The following C2CD2 variants were observed in gnomAD, a reference collection of about 807,000 sequenced individuals.
C2CD2 encodes the protein C2 domain-containing protein 2.
Under a neutral mutation model 74.3 loss-of-function variants are expected in C2CD2, and 43 were observed. That is an observed-to-expected ratio of 0.58 (90% CI 0.45 to 0.75). The LOEUF (loss-of-function observed/expected upper bound fraction) is 0.75. C2CD2 is among the 30% of genes least tolerant of loss of function. The pLI, the probability that C2CD2 is intolerant of heterozygous loss-of-function variation, is 0.00. For synonymous variants in C2CD2, 422 were observed against 390.7 expected, an observed-to-expected ratio of 1.08 and a Z score of -0.94; for missense variants, 801 against 916.3, an observed-to-expected ratio of 0.87 and a Z score of 1.63.
intron 11 of C2CD2, among the ~76,000 whole-genome samples, chr21:41,905,189 A>C (rs2064945410): frequency 6.6e-6 from 1 of 152,200 alleles, no homozygotes; most frequent in Non-Finnish European, 1.5e-5. Context: ...TATTTTGTTA[A>C]AGCATTCCCT....
chr21:41,917,298 T>C (rs1412066257), intron 5 of C2CD2, among the ~76,000 whole-genome samples: 1 of 152,180 alleles, frequency 6.6e-6, no homozygotes, highest in Non-Finnish European at 1.5e-5. Flanking sequence ...ACACAGGAAT[T>C]TGTATTTTCA....
rs1466753613 is a variant in C2CD2 at position 41,901,846 on chromosome 21, A to T, written c.1433-97T>A. ...TGGAAATGGTCGATAAGCAATGGTTAGCAGATATTTTCTAAAAGGGGCCAA... is the reference window on the plus strand; with the variant it reads ...TGGAAATGGTCGATAAGCAATGGTTTGCAGATATTTTCTAAAAGGGGCCAA... On this transcript the variant is annotated intron_variant, in intron 11 of 13. Transcript: ENST00000380486. 4 of 1,133,918 alleles carry T rather than the reference A, an allele frequency of 3.5e-6. No individual in the cohort carries two copies. The Admixed American group carries it at 7.6e-5, about 22-fold the overall frequency. 70.2% of individuals were successfully genotyped at this position (1,133,918 alleles called of 1,614,324 possible).
At chr21:41,909,241 C>A (rs1440778364) in intron 8 of C2CD2, among the ~76,000 whole-genome samples, 2 of 152,198 alleles carry the variant, frequency 1.3e-5, no homozygotes, top group East Asian at 1.9e-4. Context: ...TTTAAAAAAA[C>A]AAACAAAAAA....
chr21:41,912,640 G>A (rs7279139), intron 6 of C2CD2, among the ~76,000 whole-genome samples, 200 bp from the exon 7 acceptor site: 1,931 of 152,164 alleles, frequency 0.013, 37 homozygotes, highest in African/African-American at 0.044. Flanking sequence ...ACAGGCGCAC[G>A]CCTCCACGCT....
At chr21:41,943,857 C>T (rs117140690) in intron 1 of C2CD2, among the ~76,000 whole-genome samples, 12 of 152,300 alleles carry the variant, frequency 7.9e-5, no homozygotes, top group Non-Finnish European at 1.5e-4. Context: ...ATGTACTGCT[C>T]GAGAGGGCTG....
intron 12 of C2CD2, among the ~76,000 whole-genome samples, chr21:41,900,435 T>C (rs945112518): frequency 2.0e-5 from 3 of 152,198 alleles, no homozygotes; most frequent in African/African-American, 7.2e-5. Flanking sequence ...ACGAGTCTTG[T>C]CCTTATTTTG....
chr21:41,925,955 C>T (rs2065206486), intron 2 of C2CD2, among the ~76,000 whole-genome samples: 1 of 152,234 alleles, frequency 6.6e-6, no homozygotes, highest in Non-Finnish European at 1.5e-5. Context: ...CAAGTGAGCT[C>T]TTCGGGGAAT....
chr21:41,912,343 C>T lies in C2CD2; in HGVS notation c.942G>A (p.Glu314=), dbSNP rs564778742. ...TKNTPDLMWE[E]EFTFELNAKS... is the part of the protein sequence containing the mutation. ...CCGGCCAGACTCACAAGGTGAATTC[C>T]TCTTCCCACATGAGGTCCGGAGTGT... Residue 314 remains glutamate (E), a synonymous_variant, in exon 7 of 14, where the codon GAG becomes GAA. Coordinates refer to ENST00000380486, the MANE Select transcript of C2CD2 (RefSeq NM_015500.2). 1.2e-6 allele frequency: 2 copies of T among 1,609,904 alleles called. No homozygotes were observed. The highest frequency in any genetic ancestry group is 2.7e-5 in the African/African-American group (2 of 74,954).
chr21:41,916,272 C>T (rs796977160), intron 5 of C2CD2, among the ~76,000 whole-genome samples: 2 of 152,132 alleles, frequency 1.3e-5, no homozygotes, highest in Admixed American at 6.5e-5. Context: ...GATATCTGGT[C>T]CAACATGATT....
chr21:41,894,165 GCA>G (rs1455822930), intron 13 of C2CD2, among the ~76,000 whole-genome samples: 3 of 152,194 alleles, frequency 2.0e-5, no homozygotes, highest in African/African-American at 7.2e-5. Flanking sequence ...CTCGAACAGG[GCA>G]CAGTCATGTG....
chr21:41,894,868 G>C (rs1432518726), intron 13 of C2CD2: 2 of 456,762 alleles, frequency 4.4e-6, no homozygotes, highest in South Asian at 3.1e-5. Context: ...GTGGTTGTGA[G>C]GGTCAAGGCT....
At position 41,895,368 on chromosome 21, in the gene C2CD2, G is replaced by T. The variant is rs981827699; in HGVS notation, c.1870+3685C>A. On this transcript the variant is annotated intron_variant, in intron 13 of 13. Coordinates refer to ENST00000380486, the MANE Select transcript of C2CD2 (RefSeq NM_015500.2). This position sits in a 1 kb window ranked among gnomAD's most constrained non-coding sequence, Gnocchi z 5.0. The stretch of plus-strand genomic sequence containing the variant: ...AGATCATCTGCTTGACTTTGAGCCC[G>T]CAGAATGTGTTGCCCTTTGCTGATA... 1.3e-5 allele frequency among the ~76,000 whole-genome samples: 2 copies of T among 152,140 alleles called. No homozygotes were observed. Among genetic ancestry groups the T allele is most frequent in the African/African-American group, 4.8e-5 (2 of 41,426 alleles).
In C2CD2 at chr21:41,953,622, CCACGAGCCCAGCCGGG is replaced by C; in HGVS notation, c.11_26del (p.Ala4GlyfsTer21). Reference sequence around the variant, plus strand: ...GCGCGAGCCACTGCGCCTCCCCGAGCCACGAGCCCAGCCGGGCCATGGCCATGGCGCATCCCCGGCC... The same window carrying C: ...GCGCGAGCCACTGCGCCTCCCCGAGCCCATGGCCATGGCGCATCCCCGGCC... On this transcript the variant is annotated frameshift_variant, in exon 1 of 14. Transcript: ENST00000380486. LOFTEE classifies it high-confidence loss of function. 6.7e-7 allele frequency: 1 copy of C among 1,494,578 alleles called. No individual in the cohort carries two copies. The highest frequency in any genetic ancestry group is 8.8e-7 in the Non-Finnish European group (1 of 1,131,552). The allele number at this position is 1,494,578 out of a possible 1,614,324, so 92.6% of individuals were successfully genotyped here. A position where few individuals can be genotyped will look rare whatever the true frequency, so the allele number is the denominator to read the frequency against.
rs140592665 is a variant in C2CD2 at position 41,907,088 on chromosome 21, G to A, written c.1222C>T (p.Arg408Cys). ...PVPAAKIEKD[R>C]TVMPCGTVVT... ...ACAGTCCCACAGGGCATCACCGTGC[G>A]GTCCTTTTCTATTTTTGCAGCAGGA... is the stretch of plus-strand genomic sequence containing the variant. Residue 408 changes from arginine to cysteine, a missense_variant, in exon 10 of 14, where the codon CGC becomes TGC. Coordinates refer to ENST00000380486, the MANE Select transcript of C2CD2 (RefSeq NM_015500.2). 5.0e-4 allele frequency: 800 copies of A among 1,613,682 alleles called. 4 individuals carry two copies. The highest frequency in any genetic ancestry group is 4.1e-3 in the African/African-American group (311 of 75,016).
intron 1 of C2CD2, among the ~76,000 whole-genome samples, chr21:41,949,851 A>C (rs1225509612): frequency 6.6e-6 from 1 of 152,222 alleles, no homozygotes; most frequent in Admixed American, 6.5e-5. Context: ...ACATGGATGA[A>C]GCTGAAAACT....
intron 2 of C2CD2, among the ~76,000 whole-genome samples, chr21:41,927,634 C>G (rs1204081051): frequency 6.6e-6 from 1 of 151,926 alleles, no homozygotes; most frequent in Non-Finnish European, 1.5e-5. Context: ...CCACACCTGG[C>G]TAACTTTTGT....
intron 1 of C2CD2, 77 bp downstream of exon 1, chr21:41,953,293 G>T: frequency 1.0e-6 from 1 of 962,998 alleles, no homozygotes; most frequent in Non-Finnish European, 1.4e-6. Context: ...CTGCAGCGAC[G>T]CCTCCAGGAA....
At chr21:41,918,822 C>G (rs1477298366) in intron 4 of C2CD2, 34 bp downstream of exon 4, 1 of 1,521,646 alleles carries the variant, frequency 6.6e-7, no homozygotes, top group Non-Finnish European at 9.1e-7. Flanking sequence ...CGTTCTCACG[C>G]CAATGGAAGA....
rs2065035919 is a variant in C2CD2 at position 41,912,401 on chromosome 21, G to C, written c.884C>G (p.Pro295Arg). 1.2e-6 allele frequency: 2 copies of C among 1,612,678 alleles called. No homozygotes were observed. The highest frequency in any genetic ancestry group is 1.7e-6 in the Non-Finnish European group (2 of 1,179,744). Reference protein sequence around the residue: ...NAVCVVQLNDPVQRFSSTLTK... With the variant: ...NAVCVVQLNDRVQRFSSTLTK... ...CAGGGTGCTGGAGAACCTCTGAACA[G>C]GATCGTTCAGCTGCACGACGCACAC... Residue 295 changes from proline to arginine, a missense_variant, in exon 7 of 14, where the codon CCT (proline) becomes CGT (arginine). Coordinates refer to ENST00000380486, the MANE Select transcript of C2CD2 (RefSeq NM_015500.2).
Sources: allele counts gnomAD v4.1 joint callset (sites outside exome capture counted in the v4.1 genomes callset), GRCh38; gene constraint gnomAD v4.1.1; non-coding constraint Gnocchi (gnomAD v3.1); transcripts MANE v1.5; gene names NCBI Gene and HGNC (gene_info 2026-07-23, HGNC 2026-07-21).